The following PRH1 variants were observed in gnomAD, a reference collection of about 807,000 sequenced individuals.
PRH1 encodes the protein proline rich protein HaeIII subfamily 1.
In PRH1, 7 loss-of-function variants were observed where a neutral mutation model predicts 7.9. The ratio of observed to expected loss-of-function variants is 0.89; its 90% confidence interval spans 0.50 to 1.67. The LOEUF (loss-of-function observed/expected upper bound fraction) is 1.67, where lower values mean the gene tolerates loss of function less well. Ranked by LOEUF, PRH1 falls within the 40% of genes most tolerant of loss-of-function variation. PRH1 has a pLI of 0.00. For synonymous variants in PRH1, 45 were observed against 80.8 expected, an observed-to-expected ratio of 0.56 and a Z score of 2.38; for missense variants, 109 against 223.6, an observed-to-expected ratio of 0.49 and a Z score of 3.27.
At chr12:10,886,549 ACTGT>A (rs769392990), upstream of PRH1, among the ~76,000 whole-genome samples, 1 of 152,202 alleles carries the variant, frequency 6.6e-6, no homozygotes, top group Non-Finnish European at 1.5e-5. Flanking sequence ...TGAAAGGGAC[ACTGT>A]CTGTGAGTGA....
Position 10,884,141 on chromosome 12 carries a change from C to G in PRH1, c.64+13G>C. ...CAATCAGAGTCACAATATCTTCCCC[C>G]AATTCATCTTACCTTCATTTAAATC... On this transcript the variant is annotated intron_variant, in intron 1 of 3. Transcript: ENST00000543626. 2 of 1,614,176 alleles carry G rather than the reference C, an allele frequency of 1.2e-6. No individual in the cohort carries two copies. The highest frequency in any genetic ancestry group is 1.7e-6 in the Non-Finnish European group (2 of 1,180,012).
intron 1 of PRH1, among the ~76,000 whole-genome samples, chr12:11,064,936 C>A (rs192779546): frequency 2.6e-5 from 4 of 152,084 alleles, no homozygotes; most frequent in Admixed American, 2.6e-4. Flanking sequence ...ACTCACAAGG[C>A]TGAGGTGGGA....
intron 1 of PRH1, chr12:11,022,652 C>A (rs755677444): frequency 1.8e-5 from 18 of 1,022,234 alleles, no homozygotes; most frequent in Non-Finnish European, 2.5e-5. Flanking sequence ...TCGATGAACA[C>A]TTGATTACTA....
chr12:10,967,756 T>C (rs1011056117), intron 2 of PRH1, among the ~76,000 whole-genome samples: 1 of 152,234 alleles, frequency 6.6e-6, no homozygotes, highest in Non-Finnish European at 1.5e-5. Flanking sequence ...TAAAATATAG[T>C]ACCTCAATTA....
In PRH1 at chr12:11,134,160, A is replaced by G. The variant is rs752271368; in HGVS notation, n.40-12980T>C. On this transcript the variant is annotated intron_variant and non_coding_transcript_variant, in intron 1 of 1. Coordinates refer to the PRH1 transcript ENST00000541175. Reference sequence around the variant, plus strand: ...TTGACCCACTCAATGGAATTTACCAATGCTATGAAGCCATTAGCAAAATTT... The same window carrying G: ...TTGACCCACTCAATGGAATTTACCAGTGCTATGAAGCCATTAGCAAAATTT... The G allele has an allele frequency of 8.1e-6, 13 of 1,613,972 alleles. No individual in the cohort carries two copies. The African/African-American group carries it at 1.6e-4, about 20-fold the overall frequency.
At chr12:11,068,082 T>C (rs1943903979) in intron 1 of PRH1, among the ~76,000 whole-genome samples, 1 of 151,556 alleles carries the variant, frequency 6.6e-6, no homozygotes, top group East Asian at 1.9e-4. Context: ...TAAAACCTAA[T>C]AAACAGTAAG....
chr12:10,955,776 A>G (rs1006639916), intron 2 of PRH1, among the ~76,000 whole-genome samples: 1 of 152,122 alleles, frequency 6.6e-6, no homozygotes, highest in Non-Finnish European at 1.5e-5. Flanking sequence ...AATACAAACA[A>G]TCCTCCCAAA....
At position 11,072,223 on chromosome 12, in the gene PRH1, T is replaced by C. The variant is rs73045591; in HGVS notation, n.124-25035A>G. 7.5e-3 allele frequency among the ~76,000 whole-genome samples: 1,145 copies of C among 152,188 alleles called. 14 individuals carry two copies. Among genetic ancestry groups the C allele is most frequent in the Non-Finnish European group, 0.011 (742 of 67,966 alleles). On this transcript the variant is annotated intron_variant and non_coding_transcript_variant, in intron 1 of 4. Coordinates refer to the PRH1 transcript ENST00000541977. ...GGTGGTCTGGAACTCCTGGCCTCAA[T>C]AGATATTCCCAACTGTGCCTACCAA...
At chr12:10,961,398 C>G (rs1303406188) in intron 2 of PRH1, among the ~76,000 whole-genome samples, 1 of 150,982 alleles carries the variant, frequency 6.6e-6, no homozygotes, top group Non-Finnish European at 1.5e-5. Context: ...ATACAGCATG[C>G]AACAGGAAGA....
At chr12:11,147,658 G>A (rs947937119) in intron 1 of PRH1, among the ~76,000 whole-genome samples, 30 of 152,146 alleles carry the variant, frequency 2.0e-4, no homozygotes, top group Non-Finnish European at 2.9e-4. Context: ...TCATTATACT[G>A]TAAATTTGTC....
At chr12:11,031,014 G>A in intron 1 of PRH1, 1 of 1,614,304 alleles carries the variant, frequency 6.2e-7, no homozygotes. Context: ...GCAATCTTGA[G>A]CAAATAAAAT....
At chr12:10,939,094 T>A (rs7138535) in intron 2 of PRH1, 398,219 of 1,613,454 alleles carry the variant, frequency 0.25, 49,909 homozygotes, top group Admixed American at 0.29. Context: ...AGATCTTTCT[T>A]CCCTTGACCC....
Position 10,909,178 on chromosome 12 carries a change from G to C in PRH1, c.-58-24903C>G, listed in dbSNP as rs376152400. 1.6e-5 allele frequency: 26 copies of C among 1,613,786 alleles called. No homozygotes were observed. Among genetic ancestry groups the C allele is most frequent in the Non-Finnish European group, 2.2e-5 (26 of 1,179,964 alleles). ...ATGAGGAGTTTATCGACTGAGGACA[G>C]CTCTCTTTTACTGACCCAGTCAATG... On this transcript the variant is annotated intron_variant, in intron 2 of 3. Transcript: ENST00000539853.
intron 1 of PRH1, among the ~76,000 whole-genome samples, chr12:11,016,274 A>G (rs1011251040): frequency 6.6e-6 from 1 of 152,186 alleles, no homozygotes; most frequent in African/African-American, 2.4e-5. Context: ...CCAAAGGTGA[A>G]GTGGTACACT....
chr12:10,903,808 ATAAAGGACTTCTG>A (rs1243464037), intron 2 of PRH1, among the ~76,000 whole-genome samples: 1 of 151,926 alleles, frequency 6.6e-6, no homozygotes, highest in Non-Finnish European at 1.5e-5. Flanking sequence ...CCTGGCACAG[ATAAAGGACTTCTG>A]TAAAGTTTCA....
At chr12:10,945,400 G>C (rs568192914) in intron 2 of PRH1, among the ~76,000 whole-genome samples, 2 of 152,200 alleles carry the variant, frequency 1.3e-5, no homozygotes, top group South Asian at 4.2e-4. Flanking sequence ...TTTTAAAGCT[G>C]GTGTCTGGGG....
At chr12:11,036,560 T>C (rs1218906862) in intron 1 of PRH1, among the ~76,000 whole-genome samples, 1 of 152,252 alleles carries the variant, frequency 6.6e-6, no homozygotes, top group Admixed American at 6.5e-5. Flanking sequence ...TAAGGAATTT[T>C]ATTTACACGA....
chr12:11,104,796 G>T (rs1161510557), intron 1 of PRH1, among the ~76,000 whole-genome samples: 2 of 151,980 alleles, frequency 1.3e-5, no homozygotes, highest in Non-Finnish European at 2.9e-5. Flanking sequence ...AATTCCCATT[G>T]TGTCATATCC....
upstream of PRH1, chr12:11,171,595 A>G: frequency 1.6e-6 from 2 of 1,224,088 alleles, no homozygotes; most frequent in Admixed American, 4.2e-5. Context: ...CTCCGGGGCC[A>G]GCATGATGGC....
Sources: allele counts gnomAD v4.1 joint callset (sites outside exome capture counted in the v4.1 genomes callset), GRCh38; gene constraint gnomAD v4.1.1; transcripts MANE v1.5; gene names NCBI Gene and HGNC (gene_info 2026-07-23, HGNC 2026-07-21).